Variants in SEPTIN9 observed in about 807,000 individuals in gnomAD.
The protein encoded by SEPTIN9 is septin 9, also known as septin-9.
A neutral mutation model predicts 56.6 loss-of-function variants in SEPTIN9; 13 were observed. The observed-to-expected ratio is 0.23, with a 90% CI of 0.15 to 0.37. SEPTIN9 has a LOEUF of 0.37. Ranked by LOEUF, SEPTIN9 falls within the 10% of genes least tolerant of loss-of-function variation. The pLI, the probability that SEPTIN9 is intolerant of heterozygous loss-of-function variation, is 1.00. For synonymous variants in SEPTIN9, 332 were observed against 334.1 expected (o/e 0.99, Z 0.07); for missense variants, 650 against 823.1 (o/e 0.79, Z 2.57).
chr17:77,448,254 A>G (rs543625777), intron 3 of SEPTIN9, among the ~76,000 whole-genome samples: 11 of 152,046 alleles, frequency 7.2e-5, no homozygotes, highest in South Asian at 2.1e-4. Context: ...GGGCGGATCA[A>G]TTGAGGTCTG....
intron 2 of SEPTIN9, among the ~76,000 whole-genome samples, chr17:77,320,706 T>C (rs1022225962): frequency 3.3e-5 from 5 of 152,226 alleles, no homozygotes; most frequent in African/African-American, 1.2e-4. Context: ...CGGCGGCGCT[T>C]GGACCTGGCT....
intron 3 of SEPTIN9, among the ~76,000 whole-genome samples, chr17:77,422,581 C>T (rs1412278248): frequency 6.6e-6 from 1 of 152,206 alleles, no homozygotes; most frequent in Non-Finnish European, 1.5e-5. Flanking sequence ...AAACCATCCT[C>T]TGCAGGTCCC....
At position 77,465,921 on chromosome 17, in the gene SEPTIN9, C is replaced by T. The variant is rs143643901; in HGVS notation, c.722-16223C>T. On this transcript the variant is annotated intron_variant, in intron 3 of 11. Transcript: ENST00000427177. The stretch of plus-strand genomic sequence containing the variant: ...CTTTTATTTTTCTGAGAGGATTCTT[C>T]CCTGGGGCCAACTTCAAACCAAGGG... Among the ~76,000 whole-genome samples, 29 of 152,088 alleles carry T rather than the reference C, an allele frequency of 1.9e-4. No individual in the cohort carries two copies. The East Asian group carries it at 5.4e-3, about 28-fold the overall frequency.
At chr17:77,288,335 C>T (rs564914672) in intron 1 of SEPTIN9, 15 of 532,448 alleles carry the variant, frequency 2.8e-5, no homozygotes, top group African/African-American at 8.2e-5. Context: ...GGTTGGGCCC[C>T]GGAAGCCGAG....
In SEPTIN9 at chr17:77,482,257, G is replaced by A. The variant is rs368168508; in HGVS notation, c.835G>A (p.Val279Met). The A allele has an allele frequency of 4.3e-6, 7 of 1,613,104 alleles. 1 individual carries two copies. In the South Asian group the frequency reaches 4.4e-5, roughly 10 times the overall value. ...NEKAPVDFGY[V>M]GIDSILEQMR... ...GAAGGCCCCGGTGGACTTCGGCTACGTGGGGATTGACTCCATCCTGGAGCA... is the reference window on the plus strand; with the variant it reads ...GAAGGCCCCGGTGGACTTCGGCTACATGGGGATTGACTCCATCCTGGAGCA... Residue 279 changes from valine (V) to methionine (M), a missense_variant, in exon 4 of 12, where the codon GTG becomes ATG. This residue lies in a region of SEPTIN9 where 333 missense variants were observed against 494.0 expected (regional missense o/e 0.67). Transcript: ENST00000427177.
At chr17:77,474,195 G>T (rs573259836) in intron 3 of SEPTIN9, among the ~76,000 whole-genome samples, 1 of 152,318 alleles carries the variant, frequency 6.6e-6, no homozygotes, top group East Asian at 1.9e-4. Flanking sequence ...TGTCTGCTGG[G>T]TAGATCTACC....
intron 2 of SEPTIN9, among the ~76,000 whole-genome samples, chr17:77,338,855 C>T (rs561547591): frequency 6.6e-6 from 1 of 152,322 alleles, no homozygotes; most frequent in East Asian, 1.9e-4. Context: ...TTCTTTCAAC[C>T]CTGGCCACGG....
chr17:77,465,701 T>C (rs944343125), intron 3 of SEPTIN9, among the ~76,000 whole-genome samples: 4 of 152,124 alleles, frequency 2.6e-5, no homozygotes, highest in Non-Finnish European at 5.9e-5. Flanking sequence ...TTCCTTTGCC[T>C]GTTGGAGCCC....
chr17:77,353,451 C>A (rs2034124748), intron 2 of SEPTIN9, among the ~76,000 whole-genome samples: 1 of 152,142 alleles, frequency 6.6e-6, no homozygotes, highest in South Asian at 2.1e-4. Flanking sequence ...GACGGTGGAA[C>A]AGGCTATTTC....
chr17:77,445,307 G>A lies in SEPTIN9; in HGVS notation c.722-36837G>A, dbSNP rs763214138. 2.1e-5 allele frequency: 10 copies of A among 465,800 alleles called. No individual in the cohort carries two copies. Among genetic ancestry groups the A allele is most frequent in the Admixed American group, 7.0e-5 (3 of 42,556 alleles). 28.9% of individuals were successfully genotyped at this position (465,800 alleles called of 1,614,324 possible). ...CCTCCGCACCCCCATGCAGAAGCGC[G>A]GCCGCCAGCTCACAAAGGATAGGGA... On this transcript the variant is annotated intron_variant, in intron 3 of 11. Transcript: ENST00000427177. This position sits in a 1 kb window ranked among gnomAD's most constrained non-coding sequence, Gnocchi z 4.7.
chr17:77,370,693 G>A (rs2034693354), intron 2 of SEPTIN9, among the ~76,000 whole-genome samples: 1 of 152,188 alleles, frequency 6.6e-6, no homozygotes, highest in Non-Finnish European at 1.5e-5. Context: ...TTTCAGCTCA[G>A]TTTCCTCTCT....
intron 2 of SEPTIN9, among the ~76,000 whole-genome samples, chr17:77,391,245 C>T (rs1427256413): frequency 6.6e-6 from 1 of 152,208 alleles, no homozygotes; most frequent in Non-Finnish European, 1.5e-5. Context: ...GGAGTGGCCA[C>T]AGCAGGCTCT....
At chr17:77,452,487 A>G (rs1427269292) in intron 3 of SEPTIN9, among the ~76,000 whole-genome samples, 1 of 152,198 alleles carries the variant, frequency 6.6e-6, no homozygotes, top group African/African-American at 2.4e-5. Flanking sequence ...TGTTTTGGTC[A>G]GAGGTTTGGG....
In SEPTIN9 at chr17:77,499,325, CG is replaced by C. The variant is rs1568129108; in HGVS notation, c.*671del. 1 of 595,548 alleles carries C rather than the reference CG, an allele frequency of 1.7e-6. No homozygotes were observed. The highest frequency in any genetic ancestry group is 3.4e-5 in the East Asian group (1 of 29,524). The allele number at this position is 595,548 out of a possible 1,614,324, so 36.9% of individuals were successfully genotyped here. ...CATCCGCAGACTGCTTGGCCAGATG[CG>C]GGGACAGGCTGGAATGAGGGAGGCG... is the stretch of plus-strand genomic sequence containing the variant. On this transcript the variant is annotated 3_prime_UTR_variant, in exon 12 of 12. Transcript: ENST00000427177.
rs1282521585 is a variant in SEPTIN9, at chr17:77,433,640, C to G, written c.721+30937C>G. The stretch of plus-strand genomic sequence containing the variant: ...AGAGGGGTGGGGCTGGAGCGGGCGT[C>G]TGACCTGTGGCTGGATCTAGCTGCC... On this transcript the variant is annotated intron_variant, in intron 3 of 11. Coordinates refer to ENST00000427177, the MANE Select transcript of SEPTIN9 (RefSeq NM_001113491.2). This position sits in a 1 kb window ranked among gnomAD's most constrained non-coding sequence, Gnocchi z 6.4. Among the ~76,000 whole-genome samples, 1 of 152,210 alleles carries G rather than the reference C, an allele frequency of 6.6e-6. No individual in the cohort carries two copies. The highest frequency in any genetic ancestry group is 2.4e-5 in the African/African-American group (1 of 41,456).
chr17:77,465,436 G>A (rs1441701412), intron 3 of SEPTIN9, among the ~76,000 whole-genome samples: 1 of 152,162 alleles, frequency 6.6e-6, no homozygotes, highest in Admixed American at 6.5e-5. Context: ...GTGCATTGCT[G>A]TGCTTGGCCA....
intron 2 of SEPTIN9, among the ~76,000 whole-genome samples, chr17:77,388,057 G>A (rs746779103): frequency 6.6e-6 from 1 of 152,088 alleles, no homozygotes. Flanking sequence ...CCCCTCTACC[G>A]TGAGGCTTCT....
intron 2 of SEPTIN9, among the ~76,000 whole-genome samples, chr17:77,379,538 T>TG (rs929665589): frequency 1.3e-5 from 2 of 152,164 alleles, no homozygotes; most frequent in African/African-American, 4.8e-5. Flanking sequence ...GATAGCCTGG[T>TG]GCCGGGAGAG....
chr17:77,482,519 C>T, intron 4 of SEPTIN9, 184 bp downstream of exon 4: 1 of 729,502 alleles, frequency 1.4e-6, no homozygotes, highest in Non-Finnish European at 2.4e-6. Context: ...CCCACAGCCT[C>T]CAGCGGCTCC....
Sources: gnomAD v4.1 joint callset for allele counts (sites outside exome capture counted in the v4.1 genomes callset) on GRCh38, gnomAD v4.1.1 for gene constraint, gnomAD v4.1.1 regional missense constraint, Gnocchi (gnomAD v3.1) non-coding constraint, MANE v1.5 for transcripts, NCBI Gene and HGNC (gene_info 2026-07-23, HGNC 2026-07-21) for gene names.